Variants in HPCAL1 observed in about 807,000 individuals in gnomAD.
HPCAL1 encodes hippocalcin like 1, also known as hippocalcin-like protein 1.
HPCAL1 carries 8 observed loss-of-function variants against 17.1 expected under a neutral mutation model. The ratio of observed to expected loss-of-function variants is 0.47; its 90% confidence interval spans 0.27 to 0.84. The LOEUF is 0.84. Ranked by LOEUF, HPCAL1 falls within the 40% of genes least tolerant of loss-of-function variation. The probability of loss-of-function intolerance (pLI) is 0.13; values close to 1 mark genes in which losing one functional copy is unlikely to be tolerated. For synonymous variants in HPCAL1, 112 were observed against 111.4 expected (o/e 1.01, Z -0.03); for missense variants, 165 against 271.1 (o/e 0.61, Z 2.75).
At chr2:10,383,770 G>C (rs1204948830) in intron 1 of HPCAL1, among the ~76,000 whole-genome samples, 4 of 152,056 alleles carry the variant, frequency 2.6e-5, no homozygotes, top group Non-Finnish European at 5.9e-5. Flanking sequence ...CAGCACTGTT[G>C]CCATTTGGAG....
At chr2:10,415,694 C>A (rs1670619137) in intron 2 of HPCAL1, among the ~76,000 whole-genome samples, 1 of 152,320 alleles carries the variant, frequency 6.6e-6, no homozygotes, top group African/African-American at 2.4e-5. Flanking sequence ...ATCACGACCA[C>A]CCTGCCATCC....
At chr2:10,366,668 C>G (rs1470011659) in intron 1 of HPCAL1, among the ~76,000 whole-genome samples, 1 of 152,218 alleles carries the variant, frequency 6.6e-6, no homozygotes, top group Admixed American at 6.5e-5. Flanking sequence ...ATCCGACTCC[C>G]GCCCTGCAGC....
intron 1 of HPCAL1, among the ~76,000 whole-genome samples, chr2:10,317,056 A>G (rs187379729): frequency 6.6e-6 from 1 of 152,336 alleles, no homozygotes; most frequent in African/African-American, 2.4e-5. Flanking sequence ...GGAGACAGGT[A>G]GGTTGCTATG....
chr2:10,356,691 A>G (rs942396484), intron 1 of HPCAL1, among the ~76,000 whole-genome samples: 3 of 152,106 alleles, frequency 2.0e-5, no homozygotes, highest in African/African-American at 7.2e-5. Context: ...CACGTCCCCC[A>G]GTGTGTAAGT....
rs1666760493 is a variant in HPCAL1, at chr2:10,365,018, C to G, written c.-110-31817C>G. Among the ~76,000 whole-genome samples, 1 of 152,198 alleles carries G rather than the reference C, an allele frequency of 6.6e-6. No homozygotes were observed. The highest frequency in any genetic ancestry group is 2.1e-4 in the South Asian group (1 of 4,834). On this transcript the variant is annotated intron_variant, in intron 1 of 4. Coordinates refer to ENST00000307845, the MANE Select transcript of HPCAL1 (RefSeq NM_002149.4). This position sits in a 1 kb window ranked among gnomAD's most constrained non-coding sequence, Gnocchi z 4.8. The stretch of plus-strand genomic sequence containing the variant: ...TCTCTGTGATGTCACCCAGGTGCCA[C>G]CAGGTGTGTGTGTCCTGATGCCTTT...
intron 1 of HPCAL1, among the ~76,000 whole-genome samples, chr2:10,348,624 T>G (rs61497546): frequency 9.6e-6 from 1 of 103,642 alleles, no homozygotes; most frequent in Admixed American, 8.5e-5. Flanking sequence ...TATATATATA[T>G]ATAAATTAGC....
Position 10,362,338 on chromosome 2 carries a change from G to T in HPCAL1, c.-110-34497G>T, listed in dbSNP as rs1666574087. ...GGGGGGCGGGGGCAGGAGCATGGGG[G>T]ACAACAGTCCAGGGAGGGCCACATG... On this transcript the variant is annotated intron_variant, in intron 1 of 4. Transcript: ENST00000307845. This position sits in a 1 kb window ranked among gnomAD's most constrained non-coding sequence, Gnocchi z 5.0. Among the ~76,000 whole-genome samples the T allele has an allele frequency of 6.6e-6, 1 of 152,016 alleles. No homozygotes were observed. Among genetic ancestry groups the T allele is most frequent in the Non-Finnish European group, 1.5e-5 (1 of 67,980 alleles).
intron 1 of HPCAL1, among the ~76,000 whole-genome samples, chr2:10,374,041 G>A (rs907200605): frequency 9.2e-5 from 14 of 152,182 alleles, no homozygotes; most frequent in African/African-American, 3.4e-4. Flanking sequence ...GGCTGGCCCT[G>A]GAGCTCGGGT....
chr2:10,382,197 A>G (rs1322954484), intron 1 of HPCAL1, among the ~76,000 whole-genome samples: 2 of 152,230 alleles, frequency 1.3e-5, no homozygotes, highest in Admixed American at 6.5e-5. Flanking sequence ...GGCTATGCCT[A>G]TGGAGGATTG....
In HPCAL1 at chr2:10,330,874, C is replaced by G. The variant is rs893306535; in HGVS notation, c.-111+27697C>G. Among the ~76,000 whole-genome samples the G allele has an allele frequency of 4.6e-5, 7 of 152,202 alleles. No homozygotes were observed. Among genetic ancestry groups the G allele is most frequent in the Admixed American group, 1.3e-4 (2 of 15,288 alleles). ...GATCATCTTTGTGAGAATGCAGGTT[C>G]CCAGGCCCACACCGTGCTGGTTGAG... is the stretch of plus-strand genomic sequence containing the variant. On this transcript the variant is annotated intron_variant, in intron 1 of 4. Coordinates refer to ENST00000307845, the MANE Select transcript of HPCAL1 (RefSeq NM_002149.4). This position sits in a 1 kb window ranked among gnomAD's most constrained non-coding sequence, Gnocchi z 4.2.
In HPCAL1 at chr2:10,344,049, G is replaced by A. The variant is rs1665253682; in HGVS notation, c.-111+40872G>A. 6.6e-6 allele frequency among the ~76,000 whole-genome samples: 1 copy of A among 152,200 alleles called. No individual in the cohort carries two copies. The highest frequency in any genetic ancestry group is 1.5e-5 in the Non-Finnish European group (1 of 68,040). ...TGCTTTCTAACTGGGTTACTGAGCT[G>A]TCGAAGGAGCAGGGATGAAGACTCC... On this transcript the variant is annotated intron_variant, in intron 1 of 4. Coordinates refer to ENST00000307845, the MANE Select transcript of HPCAL1 (RefSeq NM_002149.4). This position sits in a 1 kb window ranked among gnomAD's most constrained non-coding sequence, Gnocchi z 4.9.
At chr2:10,422,941 C>G (rs762431956) in intron 3 of HPCAL1, 42 bp from the exon 4 acceptor site, 16 of 1,441,572 alleles carry the variant, frequency 1.1e-5, no homozygotes, top group Admixed American at 8.5e-5. Flanking sequence ...CCCGCCCAAG[C>G]CCCCGGGCCT....
chr2:10,333,836 G>C (rs913108267), intron 1 of HPCAL1, among the ~76,000 whole-genome samples: 1 of 152,068 alleles, frequency 6.6e-6, no homozygotes, highest in Admixed American at 6.6e-5. Context: ...TAGAAACATA[G>C]GTGAAGAGAC....
chr2:10,388,022 C>T (rs1259265635), intron 1 of HPCAL1, among the ~76,000 whole-genome samples: 1 of 152,152 alleles, frequency 6.6e-6, no homozygotes, highest in Non-Finnish European at 1.5e-5. Flanking sequence ...CCTGCACTCG[C>T]AGGCCCCCCA....
chr2:10,314,855 T>G (rs753391451), intron 1 of HPCAL1, among the ~76,000 whole-genome samples: 7 of 152,302 alleles, frequency 4.6e-5, no homozygotes, highest in Middle Eastern at 6.8e-3. Flanking sequence ...TAAGAATTAT[T>G]TGAAATTAGC....
chr2:10,397,614 C>T (rs1374533454), intron 2 of HPCAL1, among the ~76,000 whole-genome samples: 1 of 152,206 alleles, frequency 6.6e-6, no homozygotes, highest in Non-Finnish European at 1.5e-5. Context: ...GGTCGCCTCT[C>T]CCCCAGTGTT....
intron 1 of HPCAL1, among the ~76,000 whole-genome samples, chr2:10,388,508 T>C (rs1005971962): frequency 1.3e-5 from 2 of 152,152 alleles, no homozygotes; most frequent in Non-Finnish European, 2.9e-5. Context: ...AGGTGACCTG[T>C]CCCCACCCCA....
At chr2:10,399,433 C>T (rs960968099) in intron 2 of HPCAL1, among the ~76,000 whole-genome samples, 48 of 75,074 alleles carry the variant, frequency 6.4e-4, no homozygotes, top group South Asian at 1.6e-3. Flanking sequence ...ATCACCACCA[C>T]CACCACCATC....
intron 2 of HPCAL1, among the ~76,000 whole-genome samples, chr2:10,407,125 A>G (rs894840737): frequency 1.3e-5 from 2 of 152,146 alleles, no homozygotes; most frequent in Non-Finnish European, 2.9e-5. Flanking sequence ...TATAGCTGGG[A>G]TGTGTTCACC....
Sources: gnomAD v4.1 joint callset for allele counts (sites outside exome capture counted in the v4.1 genomes callset) on GRCh38, gnomAD v4.1.1 for gene constraint, Gnocchi (gnomAD v3.1) non-coding constraint, MANE v1.5 for transcripts, NCBI Gene and HGNC (gene_info 2026-07-23, HGNC 2026-07-21) for gene names.